Variants in SYNE1 observed in about 807,000 individuals in gnomAD.
SYNE1 encodes the protein spectrin repeat containing nuclear envelope protein 1.
A neutral mutation model predicts 1,111.0 loss-of-function variants in SYNE1; 616 were observed. The observed-to-expected ratio is 0.55, with a 90% CI of 0.52 to 0.59. The LOEUF (loss-of-function observed/expected upper bound fraction) is 0.59. Ranked by LOEUF, SYNE1 falls within the 20% of genes least tolerant of loss-of-function variation. SYNE1 has a pLI of 0.00. For missense variants in SYNE1, 10,006 were observed against 10,417.0 expected, an observed-to-expected ratio of 0.96 and a Z score of 1.72; for synonymous variants, 3,855 against 3,825.8, an observed-to-expected ratio of 1.01 and a Z score of -0.28.
chr6:152,413,555 C>CTAAAGGTAGTAT, intron 41 of SYNE1, 24 bp from the exon 42 acceptor site: 1 of 1,610,604 alleles, frequency 6.2e-7, no homozygotes, highest in Non-Finnish European at 8.5e-7. Context: ...TGTTATTTTC[C>CTAAAGGTAGTAT]TATTAATTTA....
At chr6:152,230,457 A>G in intron 115 of SYNE1, 90 bp downstream of exon 115, 2 of 1,346,912 alleles carry the variant, frequency 1.5e-6, no homozygotes, top group Non-Finnish European at 2.1e-6. Flanking sequence ...TTAAAAAAAT[A>G]TTTAACTTGC....
At chr6:152,439,507 G>C (rs1324194958) in intron 32 of SYNE1, among the ~76,000 whole-genome samples, 1 of 152,084 alleles carries the variant, frequency 6.6e-6, no homozygotes, top group Admixed American at 6.5e-5. Flanking sequence ...AGGATTACAG[G>C]CATGAGCCAT....
chr6:152,347,780 T>A (rs7749078), intron 72 of SYNE1, among the ~76,000 whole-genome samples: 88,578 of 149,802 alleles, frequency 0.59, 26,342 homozygotes, highest in East Asian at 0.66. Flanking sequence ...TCCCAGGTTC[T>A]AGCAATTCTC....
Position 152,330,095 on chromosome 6 carries a change from C to A in SYNE1, c.14590G>T (p.Glu4864Ter). ...ARHQIQSWQG[E>*]LKLLTSAIGE... is the part of the protein sequence containing the mutation. ...ATGGCAGAAGTCAACAGTTTTAACT[C>A]CCCTTGCCAGGACTGGATCTGATGC... The change falls in exon 78 of 146, where the codon GAG (glutamate) becomes TAG (stop). Residue 4864 changes from glutamate to a stop codon, truncating the protein, a stop_gained. Transcript: ENST00000367255. LOFTEE classifies it high-confidence loss of function. The A allele has an allele frequency of 6.8e-6, 11 of 1,614,196 alleles. No homozygotes were observed. Among genetic ancestry groups the A allele is most frequent in the Non-Finnish European group, 9.3e-6 (11 of 1,180,030 alleles).
chr6:152,477,109 T>A (rs1167481150), intron 14 of SYNE1, among the ~76,000 whole-genome samples: 4 of 152,106 alleles, frequency 2.6e-5, no homozygotes, highest in Non-Finnish European at 4.4e-5. Context: ...TTTTAGAAAG[T>A]ATGCATTATC....
intron 33 of SYNE1, 37 bp downstream of exon 33, chr6:152,435,904 C>G (rs1184586554): frequency 6.2e-7 from 1 of 1,610,774 alleles, no homozygotes; most frequent in East Asian, 2.2e-5. Context: ...GAAACTTTAT[C>G]TCAGAGAAGA....
chr6:152,212,192 TAC>T (rs2077649538), intron 123 of SYNE1, among the ~76,000 whole-genome samples: 1 of 152,168 alleles, frequency 6.6e-6, no homozygotes, highest in Non-Finnish European at 1.5e-5. Flanking sequence ...TTATTATATT[TAC>T]AGACTTTACA....
chr6:152,261,837 T>G (rs1310451734), intron 101 of SYNE1, among the ~76,000 whole-genome samples, 195 bp downstream of exon 101: 1 of 152,116 alleles, frequency 6.6e-6, no homozygotes, highest in Non-Finnish European at 1.5e-5. Context: ...ATCAAATAAA[T>G]TTTCACATAT....
intron 3 of SYNE1, among the ~76,000 whole-genome samples, chr6:152,569,510 G>A (rs1043160036): frequency 6.6e-6 from 1 of 152,062 alleles, no homozygotes; most frequent in Non-Finnish European, 1.5e-5. Context: ...GTTTAATAAA[G>A]AAGAGAAAAG....
At chr6:152,585,479 T>A (rs1276550080) in intron 3 of SYNE1, among the ~76,000 whole-genome samples, 1 of 152,266 alleles carries the variant, frequency 6.6e-6, no homozygotes, top group Non-Finnish European at 1.5e-5. Context: ...TAAGTGCAGA[T>A]GTTTTCGTCT....
chr6:152,402,979 T>A (rs1270915382), intron 46 of SYNE1, among the ~76,000 whole-genome samples: 1 of 152,142 alleles, frequency 6.6e-6, no homozygotes. Context: ...ACTTCTAGCA[T>A]TCCTGTGCAT....
rs751426587 is a variant in SYNE1, at chr6:152,364,881, C to T, written c.10111G>A (p.Ala3371Thr). 1.6e-5 allele frequency: 26 copies of T among 1,614,156 alleles called. No individual in the cohort carries two copies. In the South Asian group the frequency reaches 2.1e-4, roughly 13 times the overall value. ...QQLQSVKDMWASLLSAGIRCK... is the reference protein window; with the variant it reads ...QQLQSVKDMWTSLLSAGIRCK... ...CGAATCCCTGCAGACAAAAGGGATGCCCACATATCCTTCACACTCTGCAGC... is the reference window on the plus strand; with the variant it reads ...CGAATCCCTGCAGACAAAAGGGATGTCCACATATCCTTCACACTCTGCAGC... The change falls in exon 63 of 146, where the codon GCA becomes ACA. Residue 3371 changes from alanine (A) to threonine (T), a missense_variant. Transcript: ENST00000367255.
chr6:152,302,167 C>A lies in SYNE1; in HGVS notation c.17347-104G>T, dbSNP rs905258178. On this transcript the variant is annotated intron_variant, in intron 91 of 145. Coordinates refer to ENST00000367255, the MANE Select transcript of SYNE1 (RefSeq NM_182961.4). Reference sequence around the variant, plus strand: ...GGGCGAGCCAATGAGCGCGCAGAGCCGCGCGGGCCCGGGAGGCAGGATGTG... The same window carrying A: ...GGGCGAGCCAATGAGCGCGCAGAGCAGCGCGGGCCCGGGAGGCAGGATGTG... 54 of 1,507,396 alleles carry A rather than the reference C, an allele frequency of 3.6e-5. 2 individuals carry two copies. The Admixed American group carries it at 4.2e-4, about 12-fold the overall frequency. 93.4% of individuals were successfully genotyped at this position (1,507,396 alleles called of 1,614,324 possible). A position where few individuals can be genotyped will look rare whatever the true frequency, so the allele number is the denominator to read the frequency against.
At chr6:152,466,139 C>T in intron 16 of SYNE1, 61 bp from the exon 17 acceptor site, 2 of 1,061,520 alleles carry the variant, frequency 1.9e-6, no homozygotes, top group East Asian at 2.4e-5. Context: ...ATGCCAAAGT[C>T]AATTTTCTTC....
At chr6:152,161,779 C>T (rs1241079570) in intron 131 of SYNE1, among the ~76,000 whole-genome samples, 3 of 152,098 alleles carry the variant, frequency 2.0e-5, no homozygotes, top group Non-Finnish European at 4.4e-5. Flanking sequence ...AGGCAGGGGT[C>T]TGGCCTTTTC....
rs547011805 is a variant in SYNE1, at chr6:152,558,553, G to A, written c.68-18532C>T. The stretch of plus-strand genomic sequence containing the variant: ...GAACAAGGATGGCTATCCTTATATC[G>A]CACAATGTAGATTTTAAGTCAAACA... On this transcript the variant is annotated intron_variant, in intron 3 of 145. Coordinates refer to ENST00000367255, the MANE Select transcript of SYNE1 (RefSeq NM_182961.4). 1.8e-4 allele frequency among the ~76,000 whole-genome samples: 28 copies of A among 152,144 alleles called. No individual in the cohort carries two copies. In the East Asian group the frequency reaches 1.9e-3, roughly 10 times the overall value.
chr6:152,246,665 G>C (rs1372161126), intron 105 of SYNE1, among the ~76,000 whole-genome samples: 1 of 152,158 alleles, frequency 6.6e-6, no homozygotes, highest in Non-Finnish European at 1.5e-5. Context: ...TAAATCATTA[G>C]AAAATTTTCC....
intron 62 of SYNE1, among the ~76,000 whole-genome samples, chr6:152,365,390 C>A (rs999636484): frequency 6.6e-6 from 1 of 152,088 alleles, no homozygotes; most frequent in African/African-American, 2.4e-5. Flanking sequence ...CCAAAAAAAC[C>A]CATAGAAATA....
In SYNE1 at chr6:152,300,709, C is replaced by A; in HGVS notation, c.17614G>T (p.Glu5872Ter). The A allele has an allele frequency of 6.2e-7, 1 of 1,614,208 alleles. No individual in the cohort carries two copies. Among genetic ancestry groups the A allele is most frequent in the East Asian group, 2.2e-5 (1 of 44,894 alleles). The change falls in exon 93 of 146, where the codon GAG becomes TAG. Residue 5872 changes from glutamate to a stop codon, truncating the protein, a stop_gained. Transcript: ENST00000367255. LOFTEE classifies it high-confidence loss of function. ...EESGEEGTNS[E>*]ISSPPACRSP... Reference sequence around the variant, plus strand: ...CGACAGGCAGGTGGAGAGGAAATCTCACTGTTGGTTCCCTCCTCCCCAGAC... The same window carrying A: ...CGACAGGCAGGTGGAGAGGAAATCTAACTGTTGGTTCCCTCCTCCCCAGAC...
Sources: allele counts gnomAD v4.1 joint callset (sites outside exome capture counted in the v4.1 genomes callset), GRCh38; gene constraint gnomAD v4.1.1; transcripts MANE v1.5; gene names NCBI Gene and HGNC (gene_info 2026-07-23, HGNC 2026-07-21).